The following TANC2 variants were observed in gnomAD, a reference collection of about 807,000 sequenced individuals.
TANC2 encodes the protein protein TANC2.
Under a neutral mutation model 210.5 loss-of-function variants are expected in TANC2, and 26 were observed. That is an observed-to-expected ratio of 0.12 (90% CI 0.09 to 0.17). TANC2 has a LOEUF of 0.17. Among genes scored for constraint, TANC2 ranks in the 10% least tolerant of loss-of-function variants. The pLI is 1.00. For missense variants in TANC2, 2,129 were observed against 2,608.9 expected (o/e 0.82, Z 4.01); for synonymous variants, 931 against 967.1 (o/e 0.96, Z 0.69).
At chr17:63,037,093 T>A (rs1024352647) in intron 2 of TANC2, among the ~76,000 whole-genome samples, 10 of 152,094 alleles carry the variant, frequency 6.6e-5, no homozygotes, top group Non-Finnish European at 1.3e-4. Flanking sequence ...TTATAGCAAA[T>A]ATAAATGTGG....
rs570448447 is a variant in TANC2, at chr17:63,314,801, AG to A, written c.1441+134del. The A allele has an allele frequency of 2.8e-4, 327 of 1,151,724 alleles. 2 individuals are homozygous for A. The African/African-American group carries it at 4.3e-3, about 15-fold the overall frequency. 71.3% of individuals were successfully genotyped at this position (1,151,724 alleles called of 1,614,324 possible). On this transcript the variant is annotated intron_variant, in intron 10 of 27. Coordinates refer to ENST00000689528, the Ensembl canonical transcript of TANC2. ...ACTTCCACGTGAGGACTATTCATTT[AG>A]GTTGAGAGAAAGATTGTAATACTCT...
intron 7 of TANC2, among the ~76,000 whole-genome samples, chr17:63,232,496 T>A (rs1164912740): frequency 2.0e-5 from 3 of 152,266 alleles, no homozygotes; most frequent in African/African-American, 7.2e-5. Context: ...GTTTTTCTTT[T>A]AACAGTCTCC....
intron 4 of TANC2, among the ~76,000 whole-genome samples, chr17:63,131,532 G>T (rs1017015475): frequency 2.1e-5 from 3 of 145,876 alleles, no homozygotes; most frequent in Admixed American, 6.9e-5. Context: ...AATTACTTTG[G>T]TTTTTTTTTT....
At chr17:63,147,752 G>A (rs138976827) in intron 4 of TANC2, among the ~76,000 whole-genome samples, 1 of 152,202 alleles carries the variant, frequency 6.6e-6, no homozygotes, top group East Asian at 1.9e-4. Context: ...GTCTAACTTA[G>A]ACCATTTTGA....
intron 7 of TANC2, among the ~76,000 whole-genome samples, chr17:63,206,692 G>C (rs904964465): frequency 2.6e-4 from 39 of 152,070 alleles, no homozygotes; most frequent in African/African-American, 9.2e-4. Flanking sequence ...AGTACTGAGT[G>C]GGGCTGCAGC....
At chr17:63,220,808 ATATG>A (rs1325704738) in intron 7 of TANC2, among the ~76,000 whole-genome samples, 2 of 148,516 alleles carry the variant, frequency 1.3e-5, no homozygotes, top group African/African-American at 2.5e-5. Flanking sequence ...ATATACGTGT[ATATG>A]TATATATACG....
intron 13 of TANC2, 37 bp downstream of exon 13, chr17:63,351,453 C>T (rs746984188): frequency 2.0e-6 from 3 of 1,519,356 alleles, no homozygotes; most frequent in African/African-American, 1.4e-5. Context: ...TAAATGATTC[C>T]TCTTGGAAAG....
intron 9 of TANC2, among the ~76,000 whole-genome samples, chr17:63,281,236 A>G (rs1348254226): frequency 1.3e-5 from 2 of 152,116 alleles, no homozygotes; most frequent in Non-Finnish European, 2.9e-5. Context: ...ACTCTTTCCA[A>G]TCTGTGGATG....
At chr17:63,215,603 A>G (rs1274434718) in intron 7 of TANC2, among the ~76,000 whole-genome samples, 1 of 152,200 alleles carries the variant, frequency 6.6e-6, no homozygotes, top group Admixed American at 6.5e-5. Flanking sequence ...CATTTTAAAA[A>G]CACCCTAAAT....
chr17:63,218,621 C>A (rs1022363292), intron 7 of TANC2, among the ~76,000 whole-genome samples: 1 of 152,192 alleles, frequency 6.6e-6, no homozygotes, highest in South Asian at 2.1e-4. Flanking sequence ...GTTAGCTGGA[C>A]ACGGTGGCTC....
rs1231525413 is a variant in TANC2 at position 63,412,214 on chromosome 17, T to A, written c.3898+84T>A. Reference sequence around the variant, plus strand: ...GTCTGGCTGCCCTGGGTATTTGGTGTGAGTGTATATAGTTCCCCCTCCTCC... The same window carrying A: ...GTCTGGCTGCCCTGGGTATTTGGTGAGAGTGTATATAGTTCCCCCTCCTCC... On this transcript the variant is annotated intron_variant, in intron 23 of 27. Transcript: ENST00000689528. This position sits in a 1 kb window ranked among gnomAD's most constrained non-coding sequence, Gnocchi z 4.2. The A allele has an allele frequency of 2.5e-6, 4 of 1,579,018 alleles. No homozygotes were observed. Among genetic ancestry groups the A allele is most frequent in the Non-Finnish European group, 2.6e-6 (3 of 1,156,146 alleles).
At chr17:63,003,185 A>G (rs2033464607) in intron 1 of TANC2, among the ~76,000 whole-genome samples, 1 of 152,208 alleles carries the variant, frequency 6.6e-6, no homozygotes. Flanking sequence ...ATAGCTAATT[A>G]TAATTTGTAT....
rs115663265 is a variant in TANC2 at position 63,351,362 on chromosome 17, C to T, written c.1920C>T (p.Ile640=). 652 of 1,609,768 alleles carry T rather than the reference C, an allele frequency of 4.1e-4. 1 individual carries two copies. The African/African-American group carries it at 6.0e-3, about 15-fold the overall frequency. ...TTGTATCGTTTCTGAGTAAAATGAT[C>T]GGAAAGTTTCCTTCTTGGCTCAAAC... The change falls in exon 13 of 28, where the codon ATC becomes ATT. Residue 640 remains isoleucine (I), a synonymous_variant. Transcript: ENST00000689528.
At chr17:63,393,425 A>G (rs764939575) in intron 17 of TANC2, 1 of 152,320 alleles carries the variant, frequency 6.6e-6, no homozygotes. Flanking sequence ...AGTACATACC[A>G]AGGCCACCGC....
At chr17:62,991,382 T>C in intron 1 of TANC2, among the ~76,000 whole-genome samples, 1 of 152,056 alleles carries the variant, frequency 6.6e-6, no homozygotes, top group East Asian at 1.9e-4. Context: ...CTCATGCCTG[T>C]AATCCCAGCA....
chr17:62,981,769 C>T (rs893861002), intron 1 of TANC2, among the ~76,000 whole-genome samples: 2 of 152,114 alleles, frequency 1.3e-5, no homozygotes, highest in African/African-American at 2.4e-5. Context: ...CTTGCTACTC[C>T]CTCACGTTTG....
At position 63,121,293 on chromosome 17, in the gene TANC2, G is replaced by C. The variant is rs57452200; in HGVS notation, c.322+21936G>C. On this transcript the variant is annotated intron_variant, in intron 4 of 27. Coordinates refer to ENST00000689528, the Ensembl canonical transcript of TANC2. ...GCTTAGGACAGGTTAACTTCTGTGA[G>C]GTTTCTCTTCTATAAGATGAATGAA... Among the ~76,000 whole-genome samples the C allele has an allele frequency of 4.1e-3, 622 of 152,078 alleles. 4 individuals carry two copies. The highest frequency in any genetic ancestry group is 0.014 in the African/African-American group (587 of 41,496).
chr17:63,099,644 T>A (rs2037549948), intron 4 of TANC2, among the ~76,000 whole-genome samples: 1 of 152,218 alleles, frequency 6.6e-6, no homozygotes, highest in South Asian at 2.1e-4. Context: ...AATACACTGT[T>A]GTTCTGATTT....
intron 1 of TANC2, among the ~76,000 whole-genome samples, chr17:63,004,226 G>A (rs2033510949): frequency 6.6e-6 from 1 of 152,130 alleles, no homozygotes; most frequent in Admixed American, 6.6e-5. Flanking sequence ...TCTTTTGAGG[G>A]GCGCCATCTC....
Sources: gnomAD v4.1 joint callset for allele counts (sites outside exome capture counted in the v4.1 genomes callset) on GRCh38, gnomAD v4.1.1 for gene constraint, Gnocchi (gnomAD v3.1) non-coding constraint, MANE v1.5 for transcripts, NCBI Gene and HGNC (gene_info 2026-07-23, HGNC 2026-07-21) for gene names.